MGLL: variants seen among roughly 807,000 people sequenced by gnomAD.
MGLL encodes lysophospholipase homolog.
MGLL carries 7 observed loss-of-function variants against 29.1 expected under a neutral mutation model. The ratio of observed to expected loss-of-function variants is 0.24; its 90% CI spans 0.14 to 0.45. MGLL has a LOEUF of 0.45. Among genes scored for constraint, MGLL ranks in the 20% least tolerant of loss-of-function variants. The pLI is 0.99. For missense variants in MGLL, 356 were observed against 413.6 expected (o/e 0.86, Z 1.21); for synonymous variants, 148 against 168.3 (o/e 0.88, Z 0.93).
intron 3 of MGLL, among the ~76,000 whole-genome samples, chr3:127,726,176 GAAAGAAAGA>G (rs764739092): frequency 0.11 from 5,076 of 46,210 alleles, 108 homozygotes; most frequent in Middle Eastern, 0.16. Flanking sequence ...AAGAAAGAAA[GAAAGAAAGA>G]AAAGAAAAGA....
intron 5 of MGLL, chr3:127,711,667 G>C (rs1420627508): frequency 6.6e-6 from 1 of 152,026 alleles, no homozygotes; most frequent in Non-Finnish European, 1.5e-5. Context: ...TTGGCAGAGG[G>C]CAAGGGCACT....
Position 127,781,849 on chromosome 3 carries a change from A to C in MGLL, c.202T>G (p.Tyr68Asp), listed in dbSNP as rs2077131408. The change falls in exon 3 of 8, where the codon TAT becomes GAT. Residue 68 changes from tyrosine (Y) to aspartate (D), a missense_variant. Physicochemically the swap from Tyr to Asp is radical, Grantham distance 160. Coordinates refer to ENST00000265052, the MANE Select transcript of MGLL (RefSeq NM_007283.7). ...SHGAGEHSGRYEELARMLMGL... is the reference protein window; with the variant it reads ...SHGAGEHSGRDEELARMLMGL... The stretch of plus-strand genomic sequence containing the variant: ...ATCAGCATCCGAGCCAGCTCTTCAT[A>C]GCGGCCACTGTGCTCTCCGGCTCCA... 6.2e-7 allele frequency: 1 copy of C among 1,614,082 alleles called. No individual in the cohort carries two copies. Among genetic ancestry groups the C allele is most frequent in the Non-Finnish European group, 8.5e-7 (1 of 1,180,000 alleles).
chr3:127,744,303 C>T lies in MGLL; in HGVS notation c.263-21737G>A, dbSNP rs144085720. Among the ~76,000 whole-genome samples, 56 of 152,318 alleles carry T rather than the reference C, an allele frequency of 3.7e-4. No homozygotes were observed. The South Asian group carries it at 9.1e-3, about 25-fold the overall frequency. ...AGAATGACAAAAAGTGTCATAACTA[C>T]GGTTCTTGGCATCTAGCAAGATGAT... is the stretch of plus-strand genomic sequence containing the variant. On this transcript the variant is annotated intron_variant, in intron 3 of 7. Transcript: ENST00000265052.
At chr3:127,727,227 A>AG (rs987586365) in intron 3 of MGLL, among the ~76,000 whole-genome samples, 2 of 152,218 alleles carry the variant, frequency 1.3e-5, no homozygotes, top group African/African-American at 4.8e-5. Flanking sequence ...CCATTTCTCC[A>AG]GGGAGCCCCA....
At chr3:127,808,458 T>C (rs2077607080) in intron 2 of MGLL, among the ~76,000 whole-genome samples, 2 of 152,204 alleles carry the variant, frequency 1.3e-5, no homozygotes, top group African/African-American at 4.8e-5. Context: ...GAAGTCTTAT[T>C]GATCACTGAC....
intron 2 of MGLL, among the ~76,000 whole-genome samples, chr3:127,798,384 G>C (rs942618179): frequency 6.6e-6 from 1 of 152,112 alleles, no homozygotes; most frequent in Non-Finnish European, 1.5e-5. Flanking sequence ...GCTTTGCTCT[G>C]AGTCACAGTC....
chr3:127,697,675 T>A (rs187301150), intron 6 of MGLL, among the ~76,000 whole-genome samples: 1 of 152,236 alleles, frequency 6.6e-6, no homozygotes, highest in Non-Finnish European at 1.5e-5. Context: ...GTGCACATTC[T>A]GGGTTGACGG....
At chr3:127,785,216 C>T (rs1372854437) in intron 2 of MGLL, among the ~76,000 whole-genome samples, 4 of 152,160 alleles carry the variant, frequency 2.6e-5, no homozygotes, top group African/African-American at 9.7e-5. Context: ...ACACCTGCTG[C>T]AGGTGGAGCC....
In MGLL at chr3:127,721,037, T is replaced by C; in HGVS notation, c.510+16A>G. On this transcript the variant is annotated intron_variant, in intron 5 of 7. Transcript: ENST00000265052. ...GGGAACCTGTAGGAATTGTACAGAC[T>C]GGAAGGTCCTTTTACCTTGAAAGTT... 1.9e-6 allele frequency: 3 copies of C among 1,606,052 alleles called. No individual in the cohort carries two copies. The highest frequency in any genetic ancestry group is 2.6e-6 in the Non-Finnish European group (3 of 1,172,614).
At chr3:127,756,482 C>G (rs1357204231) in intron 3 of MGLL, among the ~76,000 whole-genome samples, 2 of 152,208 alleles carry the variant, frequency 1.3e-5, no homozygotes, top group Non-Finnish European at 2.9e-5. Context: ...CTGGCTAATT[C>G]TAAGCCTGCT....
chr3:127,732,086 G>T (rs2107642178), intron 3 of MGLL, among the ~76,000 whole-genome samples: 1 of 152,158 alleles, frequency 6.6e-6, no homozygotes, highest in East Asian at 1.9e-4. Context: ...TGCTGGAATG[G>T]GAAGAGCCAG....
intron 5 of MGLL, chr3:127,711,983 A>C (rs1007945310): frequency 6.6e-6 from 1 of 152,196 alleles, no homozygotes; most frequent in African/African-American, 2.4e-5. Flanking sequence ...CGGCCTCCCA[A>C]GGTGCTGGGA....
At chr3:127,700,139 T>C (rs987333347) in intron 6 of MGLL, among the ~76,000 whole-genome samples, 2 of 152,222 alleles carry the variant, frequency 1.3e-5, no homozygotes, top group African/African-American at 2.4e-5. Flanking sequence ...TCGGATAGCC[T>C]TCTCTGGCAT....
At chr3:127,719,079 GTGTT>G (rs2075870753) in intron 5 of MGLL, among the ~76,000 whole-genome samples, 1 of 152,194 alleles carries the variant, frequency 6.6e-6, no homozygotes, top group Non-Finnish European at 1.5e-5. Flanking sequence ...GAGGAGACCT[GTGTT>G]CCCCCAGGGG....
chr3:127,731,758 G>A (rs747249201), intron 3 of MGLL, among the ~76,000 whole-genome samples: 6 of 152,216 alleles, frequency 3.9e-5, no homozygotes, highest in Non-Finnish European at 7.4e-5. Context: ...GACCTGCCCC[G>A]TGCTCCCCTG....
At chr3:127,768,291 C>G (rs1237186385) in intron 3 of MGLL, among the ~76,000 whole-genome samples, 1 of 152,200 alleles carries the variant, frequency 6.6e-6, no homozygotes, top group Admixed American at 6.5e-5. Context: ...CTTCCCAATT[C>G]ATTTTATTAG....
intron 2 of MGLL, among the ~76,000 whole-genome samples, chr3:127,788,409 G>T (rs1305447482): frequency 6.6e-6 from 1 of 152,200 alleles, no homozygotes; most frequent in African/African-American, 2.4e-5. Flanking sequence ...GAGCCCAGCA[G>T]AATTTTAACT....
At position 127,690,176 on chromosome 3, in the gene MGLL, T is replaced by G. The variant is rs60570553; in HGVS notation, c.*2022A>C. 227 of 152,318 alleles carry G rather than the reference T, an allele frequency of 1.5e-3. 1 individual carries two copies. The highest frequency in any genetic ancestry group is 5.2e-3 in the African/African-American group (217 of 41,574). The allele number at this position is 152,318 out of a possible 1,614,324, so 9.4% of individuals were successfully genotyped here. On this transcript the variant is annotated 3_prime_UTR_variant, in exon 8 of 8. Coordinates refer to ENST00000265052, the MANE Select transcript of MGLL (RefSeq NM_007283.7). ...TGAGCCCAGGGCATCTCTGGGCTTT[T>G]GGAAAGGGTTCCTGCTTTTCCTGAG... is the stretch of plus-strand genomic sequence containing the variant.
chr3:127,717,839 C>T (rs1039580698), intron 5 of MGLL, among the ~76,000 whole-genome samples: 7 of 152,188 alleles, frequency 4.6e-5, no homozygotes, highest in Admixed American at 2.0e-4. Context: ...GCTTTACACT[C>T]TTCCAGCTGG....
Sources: gnomAD v4.1 joint callset for allele counts (sites outside exome capture counted in the v4.1 genomes callset) on GRCh38, gnomAD v4.1.1 for gene constraint, MANE v1.5 for transcripts, NCBI Gene and HGNC (gene_info 2026-07-23, HGNC 2026-07-21) for gene names.